Variants in ACTR3C observed in about 807,000 individuals in gnomAD.
ACTR3C encodes the protein actin related protein 3C, also known as actin-related protein 3C.
In ACTR3C, 18 loss-of-function variants were observed where a neutral mutation model predicts 26.3. That is an observed-to-expected ratio of 0.68 (90% CI 0.47 to 1.01). The LOEUF (loss-of-function observed/expected upper bound fraction) is 1.01, where lower values mean the gene tolerates loss of function less well. Ranked by LOEUF, ACTR3C falls within the 50% of genes least tolerant of loss-of-function variation. The pLI is 0.00. For synonymous variants in ACTR3C, 55 were observed against 94.5 expected (o/e 0.58, Z 2.42); for missense variants, 184 against 250.7 (o/e 0.73, Z 1.80).
At chr7:149,999,859 G>A in the ACTR3C span, among the ~76,000 whole-genome samples, 3 of 151,988 alleles carry the variant, frequency 2.0e-5, no homozygotes, top group African/African-American at 4.8e-5. Context: ...TCTTGAGCCA[G>A]CCTTGCTACA....
At chr7:150,174,845 A>G in the ACTR3C span, among the ~76,000 whole-genome samples, 1 of 148,574 alleles carries the variant, frequency 6.7e-6, no homozygotes, top group South Asian at 2.1e-4. Context: ...TCTTCCAGTC[A>G]AAATATTGCT....
chr7:150,321,624 TA>T (rs771444225), intron 1 of ACTR3C, among the ~76,000 whole-genome samples: 6 of 152,032 alleles, frequency 3.9e-5, no homozygotes, highest in Non-Finnish European at 5.9e-5. Context: ...CCTGTAGTCT[TA>T]GCTACTTGGG....
At chr7:150,278,623 G>A (rs558068869) in intron 6 of ACTR3C, among the ~76,000 whole-genome samples, 12 of 152,318 alleles carry the variant, frequency 7.9e-5, no homozygotes, top group African/African-American at 1.7e-4. Context: ...CATCTCCACC[G>A]GCCTCCCACG....
At chr7:150,093,305 C>T in the ACTR3C span, among the ~76,000 whole-genome samples, 5 of 151,256 alleles carry the variant, frequency 3.3e-5, no homozygotes, top group South Asian at 2.1e-4. Context: ...AATGCTTGAT[C>T]GGTGATTTTT....
chr7:150,075,543 G>GCAC, the ACTR3C span, among the ~76,000 whole-genome samples: 1 of 152,158 alleles, frequency 6.6e-6, no homozygotes, highest in Non-Finnish European at 1.5e-5. Flanking sequence ...TACTGATGAT[G>GCAC]CCAATAGTTA....
chr7:149,888,642 A>G, the ACTR3C span, among the ~76,000 whole-genome samples: 34 of 152,232 alleles, frequency 2.2e-4, no homozygotes, highest in Admixed American at 6.5e-5. Flanking sequence ...ATCTAGTGCC[A>G]GGAACAGGGA....
the ACTR3C span, among the ~76,000 whole-genome samples, chr7:150,006,413 G>A: frequency 6.8e-6 from 1 of 147,496 alleles, no homozygotes; most frequent in Non-Finnish European, 1.5e-5. Flanking sequence ...TAGCCAGGAT[G>A]GTCTCGATCT....
the ACTR3C span, among the ~76,000 whole-genome samples, chr7:150,207,430 A>G: frequency 1.3e-5 from 2 of 152,262 alleles, no homozygotes; most frequent in Non-Finnish European, 2.9e-5. Flanking sequence ...GTATAGAAAT[A>G]GTATTCAGCA....
the ACTR3C span, among the ~76,000 whole-genome samples, chr7:150,215,914 T>C: frequency 6.6e-6 from 1 of 152,218 alleles, no homozygotes; most frequent in Non-Finnish European, 1.5e-5. Context: ...TATTGTGTAA[T>C]ATATACACAG....
the ACTR3C span, among the ~76,000 whole-genome samples, chr7:150,083,294 G>A: frequency 2.0e-5 from 3 of 151,786 alleles, no homozygotes; most frequent in South Asian, 2.1e-4. Flanking sequence ...GACTGGGCAC[G>A]GTGGCTCACA....
chr7:150,054,400 G>C, the ACTR3C span, among the ~76,000 whole-genome samples: 3 of 152,236 alleles, frequency 2.0e-5, no homozygotes, highest in Non-Finnish European at 1.5e-5. Flanking sequence ...GATGTGCGTG[G>C]ACATGATGCA....
chr7:149,969,505 G>A, the ACTR3C span, among the ~76,000 whole-genome samples: 45 of 152,194 alleles, frequency 3.0e-4, no homozygotes, highest in African/African-American at 9.4e-4. Flanking sequence ...CTTCTCCAGC[G>A]CAAGTAAAGC....
chr7:150,078,913 G>A, the ACTR3C span, among the ~76,000 whole-genome samples: 1 of 152,146 alleles, frequency 6.6e-6, no homozygotes, highest in Non-Finnish European at 1.5e-5. Context: ...ACATATCCAC[G>A]TGCCAAGCTC....
chr7:149,893,796 A>T, the ACTR3C span, among the ~76,000 whole-genome samples: 8 of 152,240 alleles, frequency 5.3e-5, no homozygotes, highest in Non-Finnish European at 1.0e-4. Context: ...ACGACTCTGT[A>T]GCTATACAAA....
chr7:150,319,931 T>G (rs1459512518), intron 1 of ACTR3C, among the ~76,000 whole-genome samples: 1 of 152,242 alleles, frequency 6.6e-6, no homozygotes, highest in Non-Finnish European at 1.5e-5. Flanking sequence ...GAAACTTGGC[T>G]TGGCTGCAGT....
chr7:150,262,512 A>G (rs958444101), intron 6 of ACTR3C, among the ~76,000 whole-genome samples: 2 of 152,374 alleles, frequency 1.3e-5, no homozygotes, highest in South Asian at 2.1e-4. Context: ...CTCCCCTTAC[A>G]TTCTTGCTGC....
the ACTR3C span, among the ~76,000 whole-genome samples, chr7:149,984,184 TA>T: frequency 6.6e-6 from 1 of 151,326 alleles, no homozygotes; most frequent in Admixed American, 6.6e-5. Context: ...TTTTATTTAG[TA>T]CCTACTGAGG....
chr7:150,172,878 C>T, the ACTR3C span, among the ~76,000 whole-genome samples: 1 of 150,506 alleles, frequency 6.6e-6, no homozygotes, highest in South Asian at 2.1e-4. Context: ...TTTTAGGGCT[C>T]CAAAATGATC....
At chr7:150,145,049 C>CA in the ACTR3C span, among the ~76,000 whole-genome samples, 37,046 of 106,296 alleles carry the variant, frequency 0.35, 4,260 homozygotes, top group East Asian at 0.44. Flanking sequence ...GACTCCATCT[C>CA]AAAAAAAAAA....
Sources: gnomAD v4.1 joint callset for allele counts (sites outside exome capture counted in the v4.1 genomes callset) on GRCh38, gnomAD v4.1.1 for gene constraint, MANE v1.5 for transcripts, NCBI Gene and HGNC (gene_info 2026-07-23, HGNC 2026-07-21) for gene names.